Variants in EYS observed in about 807,000 individuals in gnomAD.
EYS encodes the protein protein eyes shut homolog.
A neutral mutation model predicts 282.1 loss-of-function variants in EYS; 250 were observed. That is an observed-to-expected ratio of 0.89 (90% CI 0.80 to 0.98). The LOEUF is 0.98. Among genes scored for constraint, EYS ranks in the 50% least tolerant of loss-of-function variants. The probability of loss-of-function intolerance (pLI) is 0.00; values close to 1 mark genes in which losing one functional copy is unlikely to be tolerated. For missense variants in EYS, 4,016 were observed against 3,709.0 expected, an observed-to-expected ratio of 1.08 and a Z score of -2.15; for synonymous variants, 1,355 against 1,282.9, an observed-to-expected ratio of 1.06 and a Z score of -1.20.
chr6:64,075,983 A>C (rs772255853), intron 32 of EYS, among the ~76,000 whole-genome samples: 3 of 151,950 alleles, frequency 2.0e-5, no homozygotes, highest in Non-Finnish European at 2.9e-5. Flanking sequence ...GGCCGTACTC[A>C]TTCATTTACA....
At chr6:65,447,573 A>AT (rs199744789) in intron 5 of EYS, among the ~76,000 whole-genome samples, 2 of 142,260 alleles carry the variant, frequency 1.4e-5, no homozygotes, top group African/African-American at 4.9e-5. Context: ...TGCTCTTTGT[A>AT]TTTTTTTATT....
intron 1 of EYS, among the ~76,000 whole-genome samples, chr6:65,674,910 C>T (rs1197060162): frequency 6.6e-6 from 1 of 151,214 alleles, no homozygotes; most frequent in East Asian, 2.0e-4. Flanking sequence ...TATAAAAATA[C>T]AACTAAAATA....
chr6:64,263,785 T>A (rs1767665070), intron 30 of EYS, among the ~76,000 whole-genome samples: 1 of 152,110 alleles, frequency 6.6e-6, no homozygotes, highest in Admixed American at 6.6e-5. Flanking sequence ...GGTAGTGTGA[T>A]ACCTAAAGTT....
intron 24 of EYS, among the ~76,000 whole-genome samples, chr6:64,600,258 T>TAAAA (rs1554184503): frequency 6.6e-6 from 1 of 151,418 alleles, no homozygotes; most frequent in Non-Finnish European, 1.5e-5. Flanking sequence ...CAATTCTCTC[T>TAAAA]ATGGTTTCTG....
At chr6:63,743,960 G>T (rs932830379) in intron 41 of EYS, among the ~76,000 whole-genome samples, 1 of 152,192 alleles carries the variant, frequency 6.6e-6, no homozygotes, top group Non-Finnish European at 1.5e-5. Flanking sequence ...GGCAGCAGTA[G>T]TGAGGGAAAT....
At chr6:64,290,336 A>G (rs1243276897) in intron 30 of EYS, among the ~76,000 whole-genome samples, 2 of 152,122 alleles carry the variant, frequency 1.3e-5, no homozygotes, top group Admixed American at 6.6e-5. Context: ...AAAATATTAT[A>G]AAGTAGAAGA....
At chr6:63,932,805 A>G (rs1413427273) in intron 35 of EYS, among the ~76,000 whole-genome samples, 1 of 152,198 alleles carries the variant, frequency 6.6e-6, no homozygotes, top group Non-Finnish European at 1.5e-5. Flanking sequence ...ATTCAATTCA[A>G]TTCTGACACT....
intron 13 of EYS, among the ~76,000 whole-genome samples, chr6:65,042,118 C>T (rs543041834): frequency 7.3e-5 from 11 of 151,690 alleles, no homozygotes; most frequent in African/African-American, 2.7e-4. Context: ...CTGACCCCTT[C>T]AGTATTATGA....
chr6:63,932,267 TA>T (rs1336792341), intron 35 of EYS, among the ~76,000 whole-genome samples: 1 of 152,254 alleles, frequency 6.6e-6, no homozygotes, highest in Non-Finnish European at 1.5e-5. Flanking sequence ...TTATCTTTGC[TA>T]TTGTGAATAA....
chr6:65,100,535 C>A (rs1462397184), intron 12 of EYS, among the ~76,000 whole-genome samples: 1 of 150,458 alleles, frequency 6.6e-6, no homozygotes, highest in Middle Eastern at 3.4e-3. Flanking sequence ...GGAAAAATTG[C>A]TAAAGGTAAC....
At chr6:65,525,672 T>C (rs2127301911) in intron 2 of EYS, among the ~76,000 whole-genome samples, 1 of 152,348 alleles carries the variant, frequency 6.6e-6, no homozygotes, top group African/African-American at 2.4e-5. Context: ...ACTGACTCTT[T>C]TGTTTTCCAT....
intron 36 of EYS, among the ~76,000 whole-genome samples, chr6:63,840,209 A>AGCTTATTATTATTATTATTATTATTAT (rs748732292): frequency 1.7e-5 from 1 of 60,600 alleles, no homozygotes; most frequent in Admixed American, 1.8e-4. Context: ...CACCATGCCC[A>AGCTTATTATTATTATTATTATTATTAT]TCTTATTATT....
intron 1 of EYS, among the ~76,000 whole-genome samples, chr6:65,652,332 T>G (rs1767682807): frequency 6.6e-6 from 1 of 151,998 alleles, no homozygotes; most frequent in African/African-American, 2.4e-5. Flanking sequence ...AAAATTGTTT[T>G]GAAAAGTAGA....
chr6:64,621,733 G>A (rs1480991555), intron 23 of EYS, among the ~76,000 whole-genome samples: 1 of 152,116 alleles, frequency 6.6e-6, no homozygotes, highest in Non-Finnish European at 1.5e-5. Flanking sequence ...ACTACTTTAA[G>A]GGCAAAACAT....
At chr6:64,237,344 G>C (rs1378199333) in intron 30 of EYS, among the ~76,000 whole-genome samples, 1 of 152,162 alleles carries the variant, frequency 6.6e-6, no homozygotes, top group African/African-American at 2.4e-5. Flanking sequence ...AGTAAAGGCT[G>C]TGATGGCTTA....
At chr6:64,974,387 A>C (rs1414405382) in intron 14 of EYS, among the ~76,000 whole-genome samples, 3 of 151,758 alleles carry the variant, frequency 2.0e-5, no homozygotes, top group African/African-American at 7.3e-5. Context: ...GATCTGAATC[A>C]CCTGAGGTGC....
intron 14 of EYS, among the ~76,000 whole-genome samples, chr6:64,955,903 C>T (rs565196176): frequency 6.6e-6 from 1 of 152,168 alleles, no homozygotes; most frequent in Non-Finnish European, 1.5e-5. Flanking sequence ...TATTGCTTTA[C>T]AAATTCTGCT....
intron 13 of EYS, among the ~76,000 whole-genome samples, chr6:65,042,199 T>C (rs1451772180): frequency 6.6e-6 from 1 of 151,056 alleles, no homozygotes; most frequent in African/African-American, 2.4e-5. Flanking sequence ...TTTTTATGCC[T>C]TTTTTTGAAC....
rs371563353 is a variant in EYS at position 64,361,599 on chromosome 6, A to AAAC, written c.6078+27088_6078+27090dup. Among the ~76,000 whole-genome samples, 185 of 151,950 alleles carry AAAC rather than the reference A, an allele frequency of 1.2e-3. 1 individual carries two copies. Among genetic ancestry groups the AAAC allele is most frequent in the African/African-American group, 4.3e-3 (177 of 41,520 alleles). On this transcript the variant is annotated intron_variant, in intron 29 of 42. Coordinates refer to ENST00000503581, the MANE Select transcript of EYS (RefSeq NM_001142800.2). ...CTGTAATAAAAGCAACTATCTTTCA[A>AAAC]AACAAATTTTCACAAACCTAACACA...
Sources: allele counts gnomAD v4.1 joint callset (sites outside exome capture counted in the v4.1 genomes callset), GRCh38; gene constraint gnomAD v4.1.1; transcripts MANE v1.5; gene names NCBI Gene and HGNC (gene_info 2026-07-23, HGNC 2026-07-21).